VAMP4: variants seen among roughly 807,000 people sequenced by gnomAD.
The protein encoded by VAMP4 is vesicle-associated membrane protein 4.
Under a neutral mutation model 23.5 loss-of-function variants are expected in VAMP4, and 19 were observed. The ratio of observed to expected loss-of-function variants is 0.81; its 90% confidence interval spans 0.56 to 1.19. VAMP4 has a LOEUF of 1.19. Among genes scored for constraint, VAMP4 ranks in the 50% most tolerant of loss-of-function variants. The pLI, the probability that VAMP4 is intolerant of heterozygous loss-of-function variation, is 0.00. For synonymous variants in VAMP4, 31 were observed against 51.0 expected, an observed-to-expected ratio of 0.61 and a Z score of 1.67; for missense variants, 145 against 168.6, an observed-to-expected ratio of 0.86 and a Z score of 0.78.
At chr1:171,719,068 AC>A in intron 4 of VAMP4, 102 bp downstream of exon 4, 1 of 970,090 alleles carries the variant, frequency 1.0e-6, no homozygotes, top group Non-Finnish European at 1.5e-6. Flanking sequence ...AACTTTATTT[AC>A]AAAAACAGGC....
rs1330620854 is a variant in VAMP4, at chr1:171,703,425, G to GTGTGTGTGTGTGTGTATA, written c.*1080_*1081insTATACACACACACACACA. ...TGTGTGTGTGTGTGTGTGTTTGTGT[G>GTGTGTGTGTGTGTGTATA]TATATATATATATATATATATATAT... On this transcript the variant is annotated 3_prime_UTR_variant, in exon 8 of 8. Transcript: ENST00000236192. 1 of 80,672 alleles carries GTGTGTGTGTGTGTGTATA rather than the reference G, an allele frequency of 1.2e-5. No individual in the cohort carries two copies. Among genetic ancestry groups the GTGTGTGTGTGTGTGTATA allele is most frequent in the East Asian group, 5.0e-4 (1 of 2,008 alleles). The allele number at this position is 80,672 out of a possible 1,614,324, so 5.0% of individuals were successfully genotyped here.
intron 3 of VAMP4, among the ~76,000 whole-genome samples, chr1:171,725,487 G>T (rs1468416714): frequency 2.0e-5 from 3 of 151,978 alleles, no homozygotes; most frequent in Non-Finnish European, 4.4e-5. Flanking sequence ...CTTTTTGAGG[G>T]GTAGCTATTG....
chr1:171,714,115 G>C (rs551877588), intron 4 of VAMP4, among the ~76,000 whole-genome samples: 28 of 152,110 alleles, frequency 1.8e-4, no homozygotes, highest in Non-Finnish European at 3.7e-4. Context: ...TTCACTCAAT[G>C]ATGTAAAATC....
At chr1:171,725,320 G>A (rs1379226658) in intron 3 of VAMP4, among the ~76,000 whole-genome samples, 1 of 152,126 alleles carries the variant, frequency 6.6e-6, no homozygotes, top group Non-Finnish European at 1.5e-5. Flanking sequence ...GAGTTCCTGG[G>A]TGTAGAGGCT....
chr1:171,735,898 T>C (rs1655726176), intron 2 of VAMP4, among the ~76,000 whole-genome samples: 1 of 152,152 alleles, frequency 6.6e-6, no homozygotes, highest in Non-Finnish European at 1.5e-5. Flanking sequence ...GCTTTTTTTT[T>C]CTTTCTGAGA....
At chr1:171,739,241 T>C (rs1484618118) in intron 1 of VAMP4, among the ~76,000 whole-genome samples, 1 of 152,122 alleles carries the variant, frequency 6.6e-6, no homozygotes, top group Non-Finnish European at 1.5e-5. Context: ...AAGGTTGAAC[T>C]GATTTCTAAT....
intron 3 of VAMP4, 136 bp downstream of exon 3, chr1:171,728,388 T>TG: frequency 1.6e-6 from 1 of 632,460 alleles, no homozygotes. Context: ...ACATATCCAC[T>TG]GGGGGATCTT....
intron 2 of VAMP4, among the ~76,000 whole-genome samples, chr1:171,732,643 A>G (rs1004048619): frequency 1.8e-4 from 28 of 152,194 alleles, no homozygotes; most frequent in African/African-American, 6.5e-4. Context: ...GGAAGATCAC[A>G]GGTCAAAATC....
chr1:171,709,561 C>G (rs993524470), intron 6 of VAMP4, 104 bp downstream of exon 6: 1 of 1,000,052 alleles, frequency 1.0e-6, no homozygotes, highest in Admixed American at 1.8e-5. Flanking sequence ...AGTTATAGGC[C>G]CTGTTCTCAC....
chr1:171,722,237 C>T (rs963535269), intron 3 of VAMP4, among the ~76,000 whole-genome samples: 12 of 152,142 alleles, frequency 7.9e-5, no homozygotes, highest in Admixed American at 6.5e-4. Context: ...TTCCTTACAC[C>T]TTATACAAAA....
At chr1:171,725,566 T>C (rs1008261804) in intron 3 of VAMP4, among the ~76,000 whole-genome samples, 1 of 152,218 alleles carries the variant, frequency 6.6e-6, no homozygotes, top group Admixed American at 6.5e-5. Context: ...ATAGCAATCT[T>C]GTCACCCATA....
rs116479735 is a variant in VAMP4 at position 171,705,258 on chromosome 1, T to C, written c.398-724A>G. Among the ~76,000 whole-genome samples, 433 of 152,272 alleles carry C rather than the reference T, an allele frequency of 2.8e-3. 3 individuals are homozygous for C. Among genetic ancestry groups the C allele is most frequent in the African/African-American group, 9.9e-3 (410 of 41,576 alleles). On this transcript the variant is annotated intron_variant, in intron 7 of 7. Transcript: ENST00000236192. ...GTGCTCAAGGCCAACAGCACTATAA[T>C]TCATGCCTGAACAAAAGTTTGCCTA... is the stretch of plus-strand genomic sequence containing the variant.
intron 3 of VAMP4, among the ~76,000 whole-genome samples, chr1:171,727,574 A>G (rs988204995): frequency 1.2e-4 from 19 of 152,222 alleles, no homozygotes; most frequent in Admixed American, 1.1e-3. Context: ...ACTTACACCA[A>G]CCATTCTACT....
intron 2 of VAMP4, among the ~76,000 whole-genome samples, chr1:171,732,554 A>G (rs751707798): frequency 2.6e-5 from 4 of 151,996 alleles, no homozygotes; most frequent in Non-Finnish European, 5.9e-5. Context: ...CTCACAAAAA[A>G]CAAAAAACAT....
intron 6 of VAMP4, among the ~76,000 whole-genome samples, chr1:171,708,699 A>T (rs773348028): frequency 2.9e-4 from 18 of 61,806 alleles, no homozygotes; most frequent in Non-Finnish European, 5.9e-4. Context: ...CGTCTCTACT[A>T]AAAAAAAAAA....
At chr1:171,711,651 A>C (rs1654852498) in intron 4 of VAMP4, among the ~76,000 whole-genome samples, 1 of 152,186 alleles carries the variant, frequency 6.6e-6, no homozygotes, top group Admixed American at 6.5e-5. Flanking sequence ...TAATTATTTT[A>C]AGTGTCTTAT....
Position 171,738,346 on chromosome 1 carries a change from T to C in VAMP4, c.66+3A>G. ...TTTTTAAAGCTTAAGATTCCGAACT[T>C]ACCCTTTCACTTTTCACAGAACCTG... On this transcript the variant is annotated splice_donor_region_variant and intron_variant, in intron 2 of 7. Transcript: ENST00000236192. 1 of 1,613,864 alleles carries C rather than the reference T, an allele frequency of 6.2e-7. No individual in the cohort carries two copies.
intron 6 of VAMP4, among the ~76,000 whole-genome samples, chr1:171,706,988 A>C (rs148507274): frequency 1.6e-3 from 249 of 152,254 alleles, no homozygotes; most frequent in African/African-American, 5.6e-3. Context: ...GGCTTTACTT[A>C]AGAAGATTTG....
chr1:171,704,874 A>G (rs947753347), intron 7 of VAMP4, among the ~76,000 whole-genome samples: 10 of 152,028 alleles, frequency 6.6e-5, no homozygotes, highest in Admixed American at 3.9e-4. Flanking sequence ...TTTAAAAAAC[A>G]TGCTTGTATA....
Sources: allele counts gnomAD v4.1 joint callset (sites outside exome capture counted in the v4.1 genomes callset), GRCh38; gene constraint gnomAD v4.1.1; transcripts MANE v1.5; gene names NCBI Gene and HGNC (gene_info 2026-07-23, HGNC 2026-07-21).